Variants in PHGDH observed in about 807,000 individuals in gnomAD.
PHGDH encodes D-3-phosphoglycerate dehydrogenase.
A neutral mutation model predicts 52.6 loss-of-function variants in PHGDH; 50 were observed. That is an observed-to-expected ratio of 0.95 (90% CI 0.76 to 1.20). The LOEUF (loss-of-function observed/expected upper bound fraction) is 1.20. Ranked by LOEUF, PHGDH falls within the 50% of genes most tolerant of loss-of-function variation. The pLI is 0.00. For synonymous variants in PHGDH, 271 were observed against 280.5 expected (o/e 0.97, Z 0.34); for missense variants, 630 against 684.6 (o/e 0.92, Z 0.89).
rs911074966 is a variant in PHGDH, at chr1:119,734,470, G to T, written c.511-164G>T. ...GTATATGGTAAATAGTACTTAGTAT[G>T]TGGAACATGGTACTTAGTGTATGGT... On this transcript the variant is annotated intron_variant, in intron 5 of 11. Transcript: ENST00000641023. 61 of 734,834 alleles carry T rather than the reference G, an allele frequency of 8.3e-5. No individual in the cohort carries two copies. The Middle Eastern group carries it at 1.3e-3, about 16-fold the overall frequency. The allele number at this position is 734,834 out of a possible 1,614,324, so 45.5% of individuals were successfully genotyped here.
chr1:119,712,242 C>T, intron 1 of PHGDH, 82 bp downstream of exon 1: 7 of 1,260,122 alleles, frequency 5.6e-6, no homozygotes, highest in South Asian at 1.3e-5. Flanking sequence ...AGCGCGCCCC[C>T]CTCGCATGCA....
At chr1:119,734,213 C>A in intron 5 of PHGDH, 1 of 320,842 alleles carries the variant, frequency 3.1e-6, no homozygotes, top group Non-Finnish European at 6.1e-6. Flanking sequence ...CTCCCTCCCT[C>A]AGGACTCCCT....
At chr1:119,736,115 G>T (rs1210472868) in intron 7 of PHGDH, among the ~76,000 whole-genome samples, 1 of 152,186 alleles carries the variant, frequency 6.6e-6, no homozygotes, top group Non-Finnish European at 1.5e-5. Context: ...GTTGTGGTTC[G>T]CAGGTTACTA....
In PHGDH at chr1:119,740,320, C is replaced by T. The variant is rs587653036; in HGVS notation, c.946-66C>T. 30 of 1,590,376 alleles carry T rather than the reference C, an allele frequency of 1.9e-5. No homozygotes were observed. In the South Asian group the frequency reaches 3.1e-4, roughly 17 times the overall value. On this transcript the variant is annotated intron_variant, in intron 8 of 11. Coordinates refer to ENST00000641023, the MANE Select transcript of PHGDH (RefSeq NM_006623.4). ...TCTTGTGGAGCTGGGTCTTGGCAGC[C>T]AGATCTTGATTCAGGATCTGCCATG...
intron 2 of PHGDH, among the ~76,000 whole-genome samples, chr1:119,721,895 T>C (rs1651184234): frequency 6.6e-6 from 1 of 152,248 alleles, no homozygotes; most frequent in Non-Finnish European, 1.5e-5. Flanking sequence ...TTTAAAGCTG[T>C]TTCTGCAGAA....
intron 8 of PHGDH, 44 bp from the exon 9 acceptor site, chr1:119,740,342 C>T: frequency 6.2e-7 from 1 of 1,612,256 alleles, no homozygotes; most frequent in Non-Finnish European, 8.5e-7. Context: ...CAGGATCTGC[C>T]ATGCCTCTTC....
rs112621632 is a variant in PHGDH at position 119,740,123 on chromosome 1, G to A, written c.946-263G>A. ...ACAAGTCTCCCATGGAGGGGGCTGG[G>A]GCAGACACAGTTTGCTGAAAGGAGC... On this transcript the variant is annotated intron_variant, in intron 8 of 11. Coordinates refer to ENST00000641023, the MANE Select transcript of PHGDH (RefSeq NM_006623.4). 2,666 of 490,134 alleles carry A rather than the reference G, an allele frequency of 5.4e-3. 51 individuals are homozygous for A. The highest frequency in any genetic ancestry group is 0.041 in the African/African-American group (2,113 of 51,396). The allele number at this position is 490,134 out of a possible 1,614,324, so 30.4% of individuals were successfully genotyped here.
At chr1:119,712,433 C>A (rs981200966) in intron 1 of PHGDH, 1 of 436,908 alleles carries the variant, frequency 2.3e-6, no homozygotes, top group African/African-American at 2.0e-5. Flanking sequence ...GCTGCTCCAA[C>A]TGGTCCTGCA....
intron 1 of PHGDH, chr1:119,714,419 G>C (rs1051833001): frequency 6.6e-6 from 1 of 152,094 alleles, no homozygotes; most frequent in Non-Finnish European, 1.5e-5. Flanking sequence ...TCAGTTTAAG[G>C]GGTCATGACG....
At chr1:119,737,310 G>A (rs773738394) in intron 8 of PHGDH, 44 bp downstream of exon 8, 1 of 1,561,236 alleles carries the variant, frequency 6.4e-7, no homozygotes, top group Non-Finnish European at 8.8e-7. Flanking sequence ...GTCAGAGGGA[G>A]GAGAGGAAGG....
At chr1:119,726,551 C>T (rs777546333) in intron 3 of PHGDH, 66 of 502,404 alleles carry the variant, frequency 1.3e-4, no homozygotes, top group Non-Finnish European at 2.0e-4. Flanking sequence ...GATTGGCGAT[C>T]GCTTAAAGTA....
At chr1:119,724,598 T>TC (rs1179121242) in intron 3 of PHGDH, 3 of 367,618 alleles carry the variant, frequency 8.2e-6, no homozygotes, top group African/African-American at 6.5e-5. Flanking sequence ...TGAGTGTCTC[T>TC]CCCCCTGGAG....
At position 119,740,408 on chromosome 1, in the gene PHGDH, G is replaced by A. The variant is rs1329562126; in HGVS notation, c.968G>A (p.Ser323Asn). Reference protein sequence around the residue: ...TGVVNAQALTSAFSPHTKPWI... With the variant: ...TGVVNAQALTNAFSPHTKPWI... ...CAGGTGAATGCCCAGGCCCTTACCA[G>A]TGCCTTCTCTCCACACACCAAGCCT... Residue 323 changes from serine to asparagine, a missense_variant, in exon 9 of 12, where the codon AGT becomes AAT. Transcript: ENST00000641023. 4 of 1,614,128 alleles carry A rather than the reference G, an allele frequency of 2.5e-6. No homozygotes were observed. The highest frequency in any genetic ancestry group is 2.2e-5 in the South Asian group (2 of 91,032).
At chr1:119,713,969 T>G (rs587748112) in intron 1 of PHGDH, among the ~76,000 whole-genome samples, 3 of 151,236 alleles carry the variant, frequency 2.0e-5, no homozygotes, top group East Asian at 3.9e-4. Flanking sequence ...GGGAGTCTGG[T>G]GCTGAAACTT....
intron 3 of PHGDH, among the ~76,000 whole-genome samples, chr1:119,725,768 C>A (rs1287576108): frequency 3.3e-5 from 5 of 152,138 alleles, no homozygotes. Context: ...CTCGCTCACT[C>A]TGAGGTTTTT....
chr1:119,725,902 C>T (rs1441883484), intron 3 of PHGDH, among the ~76,000 whole-genome samples: 1 of 152,172 alleles, frequency 6.6e-6, no homozygotes, highest in Non-Finnish European at 1.5e-5. Context: ...TGTTTAACCT[C>T]CAGTGCCTCC....
At chr1:119,723,289 C>T (rs1406592667) in intron 2 of PHGDH, 87 bp from the exon 3 acceptor site, 10 of 1,017,304 alleles carry the variant, frequency 9.8e-6, no homozygotes, top group Non-Finnish European at 1.4e-5. Flanking sequence ...TGAGAGAACA[C>T]AGCCTGCACT....
intron 1 of PHGDH, 148 bp downstream of exon 1, chr1:119,712,308 G>A: frequency 1.4e-6 from 1 of 719,386 alleles, no homozygotes; most frequent in East Asian, 2.7e-5. Context: ...GAAGAACGGG[G>A]GCGGGAGGAG....
At chr1:119,735,062 T>C (rs150045929) in intron 6 of PHGDH, 6 of 648,146 alleles carry the variant, frequency 9.3e-6, no homozygotes, top group East Asian at 5.3e-5. Context: ...GAAACAGTAA[T>C]ATCTCAAGAA....
Sources: gnomAD v4.1 joint callset for allele counts (sites outside exome capture counted in the v4.1 genomes callset) on GRCh38, gnomAD v4.1.1 for gene constraint, MANE v1.5 for transcripts, NCBI Gene and HGNC (gene_info 2026-07-23, HGNC 2026-07-21) for gene names.